The following ARHGEF7 variants were observed in gnomAD, a reference collection of about 807,000 sequenced individuals.
The protein encoded by ARHGEF7 is PAK-interacting exchange factor beta.
In ARHGEF7, 33 loss-of-function variants were observed where a neutral mutation model predicts 109.8. The observed-to-expected ratio is 0.30, with a 90% CI of 0.23 to 0.40. ARHGEF7 has a LOEUF of 0.40. Among genes scored for constraint, ARHGEF7 ranks in the 10% least tolerant of loss-of-function variants. ARHGEF7 has a pLI of 1.00. For missense variants in ARHGEF7, 938 were observed against 1,098.5 expected (o/e 0.85, Z 2.07); for synonymous variants, 458 against 424.6 (o/e 1.08, Z -0.97).
intron 2 of ARHGEF7, among the ~76,000 whole-genome samples, chr13:111,204,367 T>C (rs1013926893): frequency 3.3e-5 from 5 of 152,236 alleles, no homozygotes; most frequent in African/African-American, 1.2e-4. Context: ...CTTTCTGTTA[T>C]TGGCACCTCT....
Position 111,213,509 on chromosome 13 carries a change from G to A in ARHGEF7, c.468+3507G>A, listed in dbSNP as rs146844221. Among the ~76,000 whole-genome samples the A allele has an allele frequency of 1.4e-4, 22 of 152,296 alleles. No individual in the cohort carries two copies. The East Asian group carries it at 2.9e-3, about 20-fold the overall frequency. ...CCTCCAACTCCTCGATGGAGCTTGC[G>A]TTCCCCAAGGTATCTGCTGTCCTGA... is the stretch of plus-strand genomic sequence containing the variant. On this transcript the variant is annotated intron_variant, in intron 4 of 21. Coordinates refer to ENST00000646102, the MANE Select transcript of ARHGEF7 (RefSeq NM_001354046.2).
chr13:111,138,493 C>G (rs983115886), intron 1 of ARHGEF7, among the ~76,000 whole-genome samples: 1 of 151,884 alleles, frequency 6.6e-6, no homozygotes, highest in Non-Finnish European at 1.5e-5. Flanking sequence ...AAACAAAAAC[C>G]AAAAAACACA....
At chr13:111,218,216 C>A (rs2083376793) in intron 5 of ARHGEF7, among the ~76,000 whole-genome samples, 1 of 151,652 alleles carries the variant, frequency 6.6e-6, no homozygotes, top group South Asian at 2.1e-4. Flanking sequence ...AGTTGGCAGT[C>A]CGCAGGCTGT....
Position 111,303,889 on chromosome 13 carries a change from G to A in ARHGEF7, c.*776G>A, listed in dbSNP as rs2093614824. 1 of 152,204 alleles carries A rather than the reference G, an allele frequency of 6.6e-6. No individual in the cohort carries two copies. The highest frequency in any genetic ancestry group is 2.4e-5 in the African/African-American group (1 of 41,448). 9.4% of individuals were successfully genotyped at this position (152,204 alleles called of 1,614,324 possible). A position where few individuals can be genotyped will look rare whatever the true frequency, so the allele number is the denominator to read the frequency against. Reference sequence around the variant, plus strand: ...CAGATGAGTTTGCTGCGTTTTGGGAGGACACAGACGGTTCTGTATAGGCTA... The same window carrying A: ...CAGATGAGTTTGCTGCGTTTTGGGAAGACACAGACGGTTCTGTATAGGCTA... On this transcript the variant is annotated 3_prime_UTR_variant, in exon 22 of 22. Transcript: ENST00000646102.
chr13:111,160,466 G>A (rs2076657518), intron 2 of ARHGEF7, among the ~76,000 whole-genome samples: 1 of 152,092 alleles, frequency 6.6e-6, no homozygotes, highest in South Asian at 2.1e-4. Context: ...TACAGGTTAA[G>A]CATGCTGACT....
chr13:111,294,886 G>A (rs2093390881), intron 19 of ARHGEF7: 3 of 985,720 alleles, frequency 3.0e-6, no homozygotes, highest in East Asian at 1.1e-4. Flanking sequence ...AATAACGCTT[G>A]CCACAAGTAT....
chr13:111,277,657 G>T lies in ARHGEF7; in HGVS notation c.1490G>T (p.Ser497Ile). The T allele has an allele frequency of 6.3e-7, 1 of 1,598,166 alleles. No individual in the cohort carries two copies. The highest frequency in any genetic ancestry group is 1.1e-5 in the South Asian group (1 of 90,726). Residue 497 changes from serine (S) to isoleucine (I), a missense_variant, in exon 13 of 22, where the codon AGT becomes ATT. Ser to Ile is a moderately radical substitution (Grantham distance 142). This residue lies in a region of ARHGEF7 where 585 missense variants were observed against 723.6 expected (regional missense o/e 0.81). Transcript: ENST00000646102. Reference protein sequence around the residue: ...LLMLSASPRMSGFIYQGKLPT... With the variant: ...LLMLSASPRMIGFIYQGKLPT... Reference sequence around the variant, plus strand: ...ATGTTGTCTGCCAGTCCTAGGATGAGTGGCTTTATCTATCAGGTAAAACAC... The same window carrying T: ...ATGTTGTCTGCCAGTCCTAGGATGATTGGCTTTATCTATCAGGTAAAACAC...
chr13:111,195,709 C>T (rs943819877), intron 2 of ARHGEF7, among the ~76,000 whole-genome samples: 1 of 152,168 alleles, frequency 6.6e-6, no homozygotes, highest in Non-Finnish European at 1.5e-5. Context: ...ATTGCCTCGG[C>T]ATAGCGGACA....
At chr13:111,225,313 G>A (rs1176855427) in intron 5 of ARHGEF7, among the ~76,000 whole-genome samples, 2 of 152,100 alleles carry the variant, frequency 1.3e-5, no homozygotes, top group African/African-American at 4.8e-5. Flanking sequence ...CTTGTAGCAT[G>A]TGATAGCCAG....
At chr13:111,241,027 C>T (rs1488405475) in intron 6 of ARHGEF7, 1 of 942,138 alleles carries the variant, frequency 1.1e-6, no homozygotes, top group African/African-American at 1.7e-5. Flanking sequence ...GTCTGCGAGG[C>T]ACAGCAGTGA....
chr13:111,199,087 A>G (rs1310173579), intron 2 of ARHGEF7, among the ~76,000 whole-genome samples: 1 of 152,214 alleles, frequency 6.6e-6, no homozygotes, highest in Non-Finnish European at 1.5e-5. Flanking sequence ...CACCCGACCC[A>G]GAAGCCCAGC....
intron 8 of ARHGEF7, among the ~76,000 whole-genome samples, chr13:111,252,643 C>T (rs780504803): frequency 6.6e-6 from 1 of 152,350 alleles, no homozygotes; most frequent in South Asian, 2.1e-4. Flanking sequence ...GTACAGTGAA[C>T]TTCCATGTAC....
At chr13:111,218,645 G>A (rs1386735205) in intron 5 of ARHGEF7, among the ~76,000 whole-genome samples, 2 of 152,210 alleles carry the variant, frequency 1.3e-5, no homozygotes. Context: ...GAAAGGACAT[G>A]ATACAAAATT....
At chr13:111,267,418 G>T in intron 8 of ARHGEF7, 130 bp from the exon 9 acceptor site, 1 of 1,216,570 alleles carries the variant, frequency 8.2e-7, no homozygotes, top group Non-Finnish European at 1.1e-6. Flanking sequence ...TGCTGGGATC[G>T]GGGCCTCTGG....
At chr13:111,153,638 G>A in intron 1 of ARHGEF7, 1 of 1,216,716 alleles carries the variant, frequency 8.2e-7, no homozygotes, top group Non-Finnish European at 1.0e-6. Context: ...GGCGCGGTCT[G>A]AGGACGTCAC....
chr13:111,199,987 A>G (rs551467246), intron 2 of ARHGEF7, among the ~76,000 whole-genome samples: 160 of 152,282 alleles, frequency 1.1e-3, no homozygotes, highest in Non-Finnish European at 1.3e-3. Context: ...GAGCACATAC[A>G]GTTGTCACCC....
At chr13:111,248,310 C>T (rs982222302) in intron 8 of ARHGEF7, among the ~76,000 whole-genome samples, 2 of 152,014 alleles carry the variant, frequency 1.3e-5, no homozygotes, top group African/African-American at 2.4e-5. Flanking sequence ...AGTTGTTCCC[C>T]GTCCGCTTCC....
intron 1 of ARHGEF7, among the ~76,000 whole-genome samples, chr13:111,135,471 T>G (rs186291336): frequency 1.3e-5 from 2 of 152,330 alleles, no homozygotes; most frequent in African/African-American, 4.8e-5. Flanking sequence ...CCTCTTTTAT[T>G]TCGTTGAGCA....
chr13:111,118,051 G>T (rs554235290), intron 1 of ARHGEF7, among the ~76,000 whole-genome samples: 4 of 152,276 alleles, frequency 2.6e-5, no homozygotes, highest in Non-Finnish European at 4.4e-5. Context: ...CTCTGCTGCA[G>T]GAGTGCCCTG....
Sources: gnomAD v4.1 joint callset for allele counts (sites outside exome capture counted in the v4.1 genomes callset) on GRCh38, gnomAD v4.1.1 for gene constraint, gnomAD v4.1.1 regional missense constraint, MANE v1.5 for transcripts, NCBI Gene and HGNC (gene_info 2026-07-23, HGNC 2026-07-21) for gene names.